Variants in PDE1A observed in about 807,000 individuals in gnomAD.
PDE1A encodes the protein phosphodiesterase 1A, also known as dual specificity calcium/calmodulin-dependent 3',5'-cyclic nucleotide phosphodiesterase 1A.
Under a neutral mutation model 61.7 loss-of-function variants are expected in PDE1A, and 35 were observed. The ratio of observed to expected loss-of-function variants is 0.57; its 90% confidence interval spans 0.43 to 0.75. The LOEUF is 0.75. PDE1A is among the 30% of genes least tolerant of loss of function. PDE1A has a pLI of 0.00. For missense variants in PDE1A, 597 were observed against 630.6 expected, an observed-to-expected ratio of 0.95 and a Z score of 0.57; for synonymous variants, 232 against 213.2, an observed-to-expected ratio of 1.09 and a Z score of -0.77.
chr2:182,269,219 G>C (rs300884), intron 1 of PDE1A, among the ~76,000 whole-genome samples: 5,134 of 152,094 alleles, frequency 0.034, 290 homozygotes, highest in African/African-American at 0.12. Flanking sequence ...GAAAACTCCT[G>C]GCCTAGAAGA....
chr2:182,609,101 G>T, the PDE1A span, among the ~76,000 whole-genome samples: 7 of 152,106 alleles, frequency 4.6e-5, no homozygotes, highest in Non-Finnish European at 1.0e-4. Flanking sequence ...TCTAGCTCAA[G>T]GTTTGTAAAT....
chr2:182,714,806 G>A, the PDE1A span, among the ~76,000 whole-genome samples: 5 of 152,082 alleles, frequency 3.3e-5, no homozygotes, highest in African/African-American at 4.8e-5. Context: ...TGATCCACCC[G>A]CCTCAGCCCC....
chr2:182,532,460 T>A, the PDE1A span, among the ~76,000 whole-genome samples: 1 of 152,112 alleles, frequency 6.6e-6, no homozygotes, highest in Non-Finnish European at 1.5e-5. Flanking sequence ...TCCGATTATA[T>A]GAAATGCAGA....
At chr2:182,479,575 T>C (rs996054932) in intron 2 of PDE1A, among the ~76,000 whole-genome samples, 41 of 151,736 alleles carry the variant, frequency 2.7e-4, no homozygotes, top group Non-Finnish European at 5.9e-5. Flanking sequence ...TTAGGACACA[T>C]GACTGATTTT....
the PDE1A span, among the ~76,000 whole-genome samples, chr2:182,558,940 T>C: frequency 1.6e-4 from 25 of 152,292 alleles, 2 homozygotes; most frequent in South Asian, 5.2e-3. Flanking sequence ...ACGTTTTTTC[T>C]CCTCCTTGCC....
chr2:182,514,856 G>A (rs1372568441), intron 2 of PDE1A, among the ~76,000 whole-genome samples: 1 of 152,138 alleles, frequency 6.6e-6, no homozygotes, highest in Non-Finnish European at 1.5e-5. Context: ...CACAGCAAAA[G>A]AAACTATCAA....
At chr2:182,402,863 A>G (rs1479399268) in intron 1 of PDE1A, among the ~76,000 whole-genome samples, 1 of 152,262 alleles carries the variant, frequency 6.6e-6, no homozygotes, top group Non-Finnish European at 1.5e-5. Context: ...AAAGTGGGTG[A>G]AGGATATGAA....
chr2:182,548,407 C>T, the PDE1A span, among the ~76,000 whole-genome samples: 4 of 152,224 alleles, frequency 2.6e-5, no homozygotes, highest in South Asian at 2.1e-4. Flanking sequence ...GCACAGGATA[C>T]GACCAAGCAA....
the PDE1A span, among the ~76,000 whole-genome samples, chr2:182,636,578 A>G: frequency 6.6e-6 from 1 of 152,238 alleles, no homozygotes; most frequent in South Asian, 2.1e-4. Flanking sequence ...ATTTCAAACA[A>G]ACGTATTTTG....
chr2:182,575,722 T>G, the PDE1A span, among the ~76,000 whole-genome samples: 2 of 145,862 alleles, frequency 1.4e-5, no homozygotes, highest in East Asian at 2.0e-4. Flanking sequence ...TATATATATA[T>G]AGATATATAT....
At chr2:182,386,833 T>C (rs1435314684) in intron 1 of PDE1A, among the ~76,000 whole-genome samples, 1 of 150,524 alleles carries the variant, frequency 6.6e-6, no homozygotes, top group Non-Finnish European at 1.5e-5. Flanking sequence ...CCGCCCCGTC[T>C]GGGAGGTGGG....
chr2:182,252,800 C>T (rs1691499197), intron 2 of PDE1A, among the ~76,000 whole-genome samples: 1 of 152,122 alleles, frequency 6.6e-6, no homozygotes, highest in Non-Finnish European at 1.5e-5. Flanking sequence ...TGTGTGTCTA[C>T]ACAGATAGGC....
chr2:182,629,284 T>C, the PDE1A span, among the ~76,000 whole-genome samples: 3 of 152,194 alleles, frequency 2.0e-5, no homozygotes, highest in African/African-American at 4.8e-5. Context: ...ACTCAACCCA[T>C]GGCAACAGAA....
intron 1 of PDE1A, among the ~76,000 whole-genome samples, chr2:182,301,626 T>G (rs934248997): frequency 2.0e-5 from 3 of 152,164 alleles, no homozygotes; most frequent in Admixed American, 2.0e-4. Flanking sequence ...AAGGAAAATA[T>G]AAAACAGTGA....
intron 1 of PDE1A, among the ~76,000 whole-genome samples, chr2:182,313,318 G>A (rs764707145): frequency 6.6e-6 from 1 of 152,174 alleles, no homozygotes; most frequent in Non-Finnish European, 1.5e-5. Flanking sequence ...GGAGGCTGAA[G>A]CAGGAGAATC....
At chr2:182,697,957 G>T in the PDE1A span, among the ~76,000 whole-genome samples, 20 of 152,140 alleles carry the variant, frequency 1.3e-4, no homozygotes, top group Non-Finnish European at 2.8e-4. Context: ...AACAATCACT[G>T]CACCTGGAGC....
chr2:182,151,784 T>C (rs1690793909), intron 13 of PDE1A, among the ~76,000 whole-genome samples: 1 of 152,246 alleles, frequency 6.6e-6, no homozygotes, highest in African/African-American at 2.4e-5. Flanking sequence ...CTCATGTAGA[T>C]ATAAAAAACA....
rs35320184 is a variant in PDE1A at position 182,419,336 on chromosome 2, CTTTTTTT to C, written c.53+7235_53+7241del. ...GATTTTCTCATTCTTTTTTTCTTTT[CTTTTTTT>C]TTTTTTTTTTGAGATAGAGTCTCAC... On this transcript the variant is annotated intron_variant, in intron 1 of 13. Transcript: ENST00000351439. Among the ~76,000 whole-genome samples the C allele has an allele frequency of 2.3e-5, 3 of 132,640 alleles. No homozygotes were observed. The South Asian group carries it at 7.1e-4, about 32-fold the overall frequency. The allele number at this position is 132,640 out of a possible 152,430, so 87.0% of individuals were successfully genotyped here.
intron 2 of PDE1A, among the ~76,000 whole-genome samples, chr2:182,445,130 T>C (rs750777612): frequency 3.3e-5 from 5 of 152,164 alleles, no homozygotes; most frequent in Non-Finnish European, 7.4e-5. Context: ...TGATCATATT[T>C]TCCCCAGCAT....
Sources: allele counts gnomAD v4.1 joint callset (sites outside exome capture counted in the v4.1 genomes callset), GRCh38; gene constraint gnomAD v4.1.1; transcripts MANE v1.5; gene names NCBI Gene and HGNC (gene_info 2026-07-23, HGNC 2026-07-21).